Variants in LRRIQ1 observed in about 807,000 individuals in gnomAD.
The protein encoded by LRRIQ1 is leucine-rich repeat- and IQ domain-containing protein 1.
LRRIQ1 carries 210 observed loss-of-function variants against 211.9 expected under a neutral mutation model. That is an observed-to-expected ratio of 0.99 (90% CI 0.89 to 1.11). LRRIQ1 has a LOEUF of 1.11. Among genes scored for constraint, LRRIQ1 ranks in the 50% most tolerant of loss-of-function variants. The pLI is 0.00. For synonymous variants in LRRIQ1, 699 were observed against 650.1 expected, an observed-to-expected ratio of 1.08 and a Z score of -1.14; for missense variants, 2,136 against 1,939.5, an observed-to-expected ratio of 1.10 and a Z score of -1.90.
rs1040741961 is a variant in LRRIQ1 at position 85,153,512 on chromosome 12, A to C, written c.4542-151A>C. On this transcript the variant is annotated intron_variant, in intron 21 of 26. Transcript: ENST00000393217. Reference sequence around the variant, plus strand: ...AATTGAAATGTAAACATTTTAAATTAATGGCAGACTTTTATTGCCTTTCAA... The same window carrying C: ...AATTGAAATGTAAACATTTTAAATTCATGGCAGACTTTTATTGCCTTTCAA... 5.6e-5 allele frequency: 35 copies of C among 622,202 alleles called. No homozygotes were observed. The African/African-American group carries it at 6.8e-4, about 12-fold the overall frequency. 38.5% of individuals were successfully genotyped at this position (622,202 alleles called of 1,614,324 possible).
chr12:85,239,959 C>G (rs1431571897), intron 26 of LRRIQ1, among the ~76,000 whole-genome samples: 1 of 152,002 alleles, frequency 6.6e-6, no homozygotes, highest in Non-Finnish European at 1.5e-5. Context: ...GCCTGGGCAA[C>G]AGAGCAAGAC....
chr12:85,161,638 T>C (rs1230885546), intron 24 of LRRIQ1, among the ~76,000 whole-genome samples: 2 of 152,174 alleles, frequency 1.3e-5, no homozygotes, highest in East Asian at 3.8e-4. Flanking sequence ...TGTTTTGTAA[T>C]GTCTAAAACT....
At chr12:85,204,550 C>T (rs1893450022) in intron 24 of LRRIQ1, among the ~76,000 whole-genome samples, 1 of 152,198 alleles carries the variant, frequency 6.6e-6, no homozygotes, top group Non-Finnish European at 1.5e-5. Flanking sequence ...TGCCCACGAC[C>T]ATGGGCACTC....
At chr12:85,250,957 A>G (rs185265416) in intron 1 of LRRIQ1, among the ~76,000 whole-genome samples, 5,660 of 93,088 alleles carry the variant, frequency 0.061, 1,202 homozygotes, top group African/African-American at 0.31. Flanking sequence ...TTTATATATT[A>G]TATATTATAT....
chr12:85,245,766 C>T (rs1345311565), downstream of LRRIQ1, among the ~76,000 whole-genome samples: 1 of 150,342 alleles, frequency 6.7e-6, no homozygotes, highest in Non-Finnish European at 1.5e-5. Context: ...TGTTAATTTC[C>T]CCAATATATA....
intron 24 of LRRIQ1, among the ~76,000 whole-genome samples, chr12:85,164,097 CAACCTGT>C (rs1891035743): frequency 2.0e-5 from 3 of 151,970 alleles, no homozygotes; most frequent in African/African-American, 7.3e-5. Context: ...CCTTTGTTAC[CAACCTGT>C]AATACCTACT....
intron 11 of LRRIQ1, among the ~76,000 whole-genome samples, chr12:85,092,403 G>T (rs181763182): frequency 2.6e-4 from 39 of 152,182 alleles, no homozygotes; most frequent in Admixed American, 1.1e-3. Context: ...ACTTGCCTCA[G>T]TCACAGTTTT....
At chr12:85,195,112 G>C (rs1892825291) in intron 24 of LRRIQ1, among the ~76,000 whole-genome samples, 1 of 152,020 alleles carries the variant, frequency 6.6e-6, no homozygotes, top group Non-Finnish European at 1.5e-5. Context: ...ACTCTCCCAA[G>C]ACTAAACCAG....
At chr12:85,215,577 C>A (rs1035007151) in intron 24 of LRRIQ1, among the ~76,000 whole-genome samples, 2 of 152,106 alleles carry the variant, frequency 1.3e-5, no homozygotes, top group African/African-American at 4.8e-5. Flanking sequence ...TTAGCCCCTA[C>A]TTATAAGTGA....
intron 11 of LRRIQ1, among the ~76,000 whole-genome samples, chr12:85,093,629 C>T (rs1340122784): frequency 6.6e-6 from 1 of 152,118 alleles, no homozygotes; most frequent in Non-Finnish European, 1.5e-5. Flanking sequence ...AAAAAGTGTC[C>T]TCACATTTGC....
intron 26 of LRRIQ1, among the ~76,000 whole-genome samples, chr12:85,233,401 A>C (rs552458810): frequency 2.0e-5 from 3 of 152,162 alleles, no homozygotes; most frequent in African/African-American, 7.2e-5. Context: ...GAGTATTCTG[A>C]CCAGTGACAG....
intron 8 of LRRIQ1, among the ~76,000 whole-genome samples, chr12:85,061,398 A>G (rs1045000087): frequency 2.0e-5 from 3 of 151,698 alleles, no homozygotes; most frequent in African/African-American, 7.3e-5. Flanking sequence ...GATTTTTTTT[A>G]AATGTTCAAT....
chr12:85,229,285 G>A (rs887453384), intron 24 of LRRIQ1, among the ~76,000 whole-genome samples: 27 of 152,078 alleles, frequency 1.8e-4, no homozygotes, highest in Admixed American at 7.2e-4. Flanking sequence ...AATGGTGATT[G>A]ATTTTAAGTA....
At chr12:85,097,520 G>A (rs959729752) in intron 11 of LRRIQ1, among the ~76,000 whole-genome samples, 7 of 150,552 alleles carry the variant, frequency 4.6e-5, no homozygotes, top group Non-Finnish European at 8.8e-5. Context: ...TTGGTTTTCT[G>A]TCCTTGCGAT....
At chr12:85,236,647 C>T (rs990093886) in intron 26 of LRRIQ1, among the ~76,000 whole-genome samples, 3 of 151,594 alleles carry the variant, frequency 2.0e-5, no homozygotes, top group African/African-American at 7.3e-5. Flanking sequence ...TGGAAAGAAA[C>T]TTGTCAGTGT....
chr12:85,065,785 G>T (rs185727323), intron 9 of LRRIQ1, among the ~76,000 whole-genome samples: 13 of 151,858 alleles, frequency 8.6e-5, no homozygotes, highest in Non-Finnish European at 1.6e-4. Flanking sequence ...TATATTTACT[G>T]GGTCTCTTAT....
chr12:85,170,961 T>A (rs1272850359), intron 24 of LRRIQ1, among the ~76,000 whole-genome samples: 1 of 152,136 alleles, frequency 6.6e-6, no homozygotes, highest in Non-Finnish European at 1.5e-5. Context: ...CTAGACTTCT[T>A]TTTATCTCCA....
chr12:85,044,662 G>T, intron 3 of LRRIQ1, 56 bp from the exon 4 acceptor site: 2 of 816,738 alleles, frequency 2.4e-6, no homozygotes, highest in Non-Finnish European at 1.9e-6. Context: ...TTGAAATTTT[G>T]AGATGTTGTA....
Position 85,090,098 on chromosome 12 carries a change from C to T in LRRIQ1, c.2888-8257C>T, listed in dbSNP as rs1885227421. Among the ~76,000 whole-genome samples the T allele has an allele frequency of 2.0e-5, 3 of 152,312 alleles. No homozygotes were observed. In the South Asian group the frequency reaches 6.2e-4, roughly 32 times the overall value. On this transcript the variant is annotated intron_variant, in intron 11 of 26. Transcript: ENST00000393217. ...AGGAGCCCAGGCACAGCTTGGACTT[C>T]CACTTTGCCTAATGCACATCATAAG...
Sources: allele counts gnomAD v4.1 joint callset (sites outside exome capture counted in the v4.1 genomes callset), GRCh38; gene constraint gnomAD v4.1.1; transcripts MANE v1.5; gene names NCBI Gene and HGNC (gene_info 2026-07-23, HGNC 2026-07-21).